OPCML: variants seen among roughly 807,000 people sequenced by gnomAD.
The protein encoded by OPCML is opioid binding protein/cell adhesion molecule like.
A neutral mutation model predicts 37.8 loss-of-function variants in OPCML; 13 were observed. The observed-to-expected ratio is 0.34, with a 90% CI of 0.22 to 0.55. OPCML has a LOEUF of 0.55. Ranked by LOEUF, OPCML falls within the 20% of genes least tolerant of loss-of-function variation. The pLI, the probability that OPCML is intolerant of heterozygous loss-of-function variation, is 0.91. For missense variants in OPCML, 341 were observed against 435.6 expected, an observed-to-expected ratio of 0.78 and a Z score of 1.93; for synonymous variants, 176 against 168.8, an observed-to-expected ratio of 1.04 and a Z score of -0.33.
intron 3 of OPCML, among the ~76,000 whole-genome samples, chr11:132,652,663 C>T (rs951626241): frequency 1.3e-5 from 2 of 152,190 alleles, no homozygotes; most frequent in Non-Finnish European, 2.9e-5. Context: ...AAACACTGTG[C>T]CATCTCTGTA....
At position 132,868,296 on chromosome 11, in the gene OPCML, A is replaced by ATTTT. The variant is rs67534174; in HGVS notation, c.146+74626_146+74629dup. The stretch of plus-strand genomic sequence containing the variant: ...CTAATATTTTTCCATTGAGGCTGTG[A>ATTTT]TTTTTTTTTTTTTTTTTTTTTTTTT... On this transcript the variant is annotated intron_variant, in intron 2 of 7. Coordinates refer to ENST00000524381, the MANE Select transcript of OPCML (RefSeq NM_001012393.5). Among the ~76,000 whole-genome samples, 36 of 77,488 alleles carry ATTTT rather than the reference A, an allele frequency of 4.6e-4. 2 individuals are homozygous for ATTTT. Among genetic ancestry groups the ATTTT allele is most frequent in the Non-Finnish European group, 6.3e-4 (26 of 41,296 alleles). 50.8% of individuals were successfully genotyped at this position (77,488 alleles called of 152,430 possible).
intron 1 of OPCML, among the ~76,000 whole-genome samples, chr11:133,192,986 C>G (rs372774762): frequency 3.3e-5 from 5 of 150,580 alleles, no homozygotes; most frequent in East Asian, 3.9e-4. Context: ...TAGGTTTCTT[C>G]TCTGCTAACA....
chr11:133,499,293 T>G (rs1405107067), intron 1 of OPCML, among the ~76,000 whole-genome samples: 1 of 152,208 alleles, frequency 6.6e-6, no homozygotes, highest in South Asian at 2.1e-4. Flanking sequence ...AAAGCAAGTT[T>G]CCTTACACAA....
intron 3 of OPCML, among the ~76,000 whole-genome samples, chr11:132,531,850 G>A (rs10894575): frequency 0.28 from 41,657 of 151,288 alleles, 5,800 homozygotes; most frequent in Middle Eastern, 0.42. Context: ...GCAACAACTC[G>A]AGTGCAACTT....
chr11:133,335,982 A>G (rs561373038), intron 1 of OPCML, among the ~76,000 whole-genome samples: 1 of 152,242 alleles, frequency 6.6e-6, no homozygotes, highest in South Asian at 2.1e-4. Context: ...CCACATGTAG[A>G]GTCCAATTCC....
At chr11:133,465,336 A>G (rs1682208448) in intron 1 of OPCML, among the ~76,000 whole-genome samples, 1 of 152,118 alleles carries the variant, frequency 6.6e-6, no homozygotes, top group African/African-American at 2.4e-5. Flanking sequence ...TCCCTATCTC[A>G]AGATTTTTAA....
chr11:132,835,683 T>G (rs568400872), intron 2 of OPCML, among the ~76,000 whole-genome samples: 1 of 152,346 alleles, frequency 6.6e-6, no homozygotes, highest in African/African-American at 2.4e-5. Context: ...GAAGAGGCCC[T>G]AACACACAGG....
At chr11:133,476,383 CTGT>C (rs928800600) in intron 1 of OPCML, among the ~76,000 whole-genome samples, 5 of 83,112 alleles carry the variant, frequency 6.0e-5, no homozygotes, top group African/African-American at 1.8e-4. Flanking sequence ...TTTTTGTACT[CTGT>C]TGTTAGTTTT....
rs192621124 is a variant in OPCML, at chr11:132,918,793, G to C, written c.146+24133C>G. ...TACACGTGCCAACATAAAGCACCAG[G>C]GTTGAAAAAAAACATTGTCACTTTT... On this transcript the variant is annotated intron_variant, in intron 2 of 7. Transcript: ENST00000524381. 1.4e-3 allele frequency among the ~76,000 whole-genome samples: 209 copies of C among 148,200 alleles called. 4 individuals are homozygous for C. The East Asian group carries it at 0.043, about 31-fold the overall frequency.
At chr11:133,505,072 A>G (rs1270341241) in intron 1 of OPCML, among the ~76,000 whole-genome samples, 3 of 152,224 alleles carry the variant, frequency 2.0e-5, no homozygotes, top group Non-Finnish European at 4.4e-5. Context: ...AGGCGATCGC[A>G]GGCTCTCCGG....
rs1337602926 is a variant in OPCML at position 132,606,776 on chromosome 11, G to GA, written c.379+50310dup. On this transcript the variant is annotated intron_variant, in intron 3 of 7. Coordinates refer to ENST00000524381, the MANE Select transcript of OPCML (RefSeq NM_001012393.5). ...AAGATACATTAAGAACTAGAATGAA[G>GA]AAAAAATCTGCAAGTGAAATAAGAA... Among the ~76,000 whole-genome samples the GA allele has an allele frequency of 2.6e-5, 4 of 152,122 alleles. 1 individual carries two copies. In the East Asian group the frequency reaches 7.7e-4, roughly 29 times the overall value.
intron 1 of OPCML, among the ~76,000 whole-genome samples, chr11:133,357,922 C>A (rs918092648): frequency 6.6e-6 from 1 of 152,184 alleles, no homozygotes; most frequent in African/African-American, 2.4e-5. Context: ...TCTCCACTGT[C>A]CCCAGCCAAC....
At chr11:133,084,881 C>T (rs1401870038) in intron 1 of OPCML, among the ~76,000 whole-genome samples, 2 of 152,102 alleles carry the variant, frequency 1.3e-5, no homozygotes, top group Non-Finnish European at 2.9e-5. Context: ...ATTATAAGAA[C>T]CATGATATAA....
At chr11:133,134,677 G>C (rs116251698) in intron 1 of OPCML, among the ~76,000 whole-genome samples, 6 of 152,116 alleles carry the variant, frequency 3.9e-5, no homozygotes, top group Non-Finnish European at 7.3e-5. Context: ...TTGCTCCAAG[G>C]GAACTCTTGC....
intron 1 of OPCML, among the ~76,000 whole-genome samples, chr11:133,505,643 C>T (rs1250516659): frequency 6.6e-6 from 1 of 152,208 alleles, no homozygotes; most frequent in Non-Finnish European, 1.5e-5. Flanking sequence ...CACCCATAGA[C>T]ATTGGCCTCC....
In OPCML at chr11:132,471,018, A is replaced by G. The variant is rs189208788; in HGVS notation, c.506-33659T>C. The stretch of plus-strand genomic sequence containing the variant: ...TCTTGGAGGCAGGAAAGAACCCATG[A>G]CAATGTGAGGTCCTAGAAGTCAAGA... On this transcript the variant is annotated intron_variant, in intron 4 of 7. Coordinates refer to ENST00000524381, the MANE Select transcript of OPCML (RefSeq NM_001012393.5). Among the ~76,000 whole-genome samples the G allele has an allele frequency of 4.1e-4, 63 of 152,390 alleles. 1 individual carries two copies. The highest frequency in any genetic ancestry group is 5.9e-4 in the Non-Finnish European group (40 of 68,040).
At chr11:133,232,227 C>T (rs771537481) in intron 1 of OPCML, among the ~76,000 whole-genome samples, 67 of 152,018 alleles carry the variant, frequency 4.4e-4, no homozygotes, top group Non-Finnish European at 8.8e-4. Context: ...TGGGCAGCTC[C>T]GTACTTGGTT....
At chr11:133,324,810 A>G (rs986371646) in intron 1 of OPCML, among the ~76,000 whole-genome samples, 3 of 152,224 alleles carry the variant, frequency 2.0e-5, no homozygotes, top group African/African-American at 7.2e-5. Flanking sequence ...AGAGATGTAT[A>G]AATATATATT....
intron 2 of OPCML, among the ~76,000 whole-genome samples, chr11:132,934,227 A>T (rs1945298497): frequency 6.6e-6 from 1 of 152,136 alleles, no homozygotes; most frequent in African/African-American, 2.4e-5. Context: ...AGCGGGGTTA[A>T]GGGCAGGCCT....
Sources: gnomAD v4.1 joint callset for allele counts (sites outside exome capture counted in the v4.1 genomes callset) on GRCh38, gnomAD v4.1.1 for gene constraint, MANE v1.5 for transcripts, NCBI Gene and HGNC (gene_info 2026-07-23, HGNC 2026-07-21) for gene names.